FMN2: variants seen among roughly 807,000 people sequenced by gnomAD.
FMN2 encodes formin 2.
In FMN2, 51 loss-of-function variants were observed where a neutral mutation model predicts 142.3. The observed-to-expected ratio is 0.36, with a 90% confidence interval of 0.29 to 0.45. FMN2 has a LOEUF of 0.45. Ranked by LOEUF, FMN2 falls within the 20% of genes least tolerant of loss-of-function variation. The pLI, the probability that FMN2 is intolerant of heterozygous loss-of-function variation, is 1.00. For synonymous variants in FMN2, 882 were observed against 869.8 expected (o/e 1.01, Z -0.25); for missense variants, 1,936 against 2,122.8 (o/e 0.91, Z 1.73).
intron 4 of FMN2, among the ~76,000 whole-genome samples, chr1:240,206,413 T>C (rs1417687750): frequency 1.3e-5 from 2 of 152,166 alleles, no homozygotes; most frequent in African/African-American, 4.8e-5. Context: ...GTGACTACCT[T>C]TAAAATTCGG....
chr1:240,179,133 AG>A (rs1665047076), intron 3 of FMN2, among the ~76,000 whole-genome samples: 1 of 152,178 alleles, frequency 6.6e-6, no homozygotes, highest in Admixed American at 6.5e-5. Context: ...TGAGAATTAT[AG>A]GCATTTATAT....
chr1:240,281,674 T>TCTC (rs1269724182), intron 7 of FMN2, among the ~76,000 whole-genome samples: 1 of 152,212 alleles, frequency 6.6e-6, no homozygotes, highest in Non-Finnish European at 1.5e-5. Context: ...TAATAAATGG[T>TCTC]CTCCTTTCAA....
At chr1:240,130,117 G>A (rs1662676152) in intron 2 of FMN2, among the ~76,000 whole-genome samples, 1 of 151,980 alleles carries the variant, frequency 6.6e-6, no homozygotes, top group African/African-American at 2.4e-5. Flanking sequence ...TATGTTTAGG[G>A]CATACTTTTA....
chr1:240,137,393 G>A (rs1006384077), intron 2 of FMN2, among the ~76,000 whole-genome samples: 1 of 152,172 alleles, frequency 6.6e-6, no homozygotes, highest in Non-Finnish European at 1.5e-5. Context: ...AGCAGCCACG[G>A]ACAATACGCC....
intron 4 of FMN2, among the ~76,000 whole-genome samples, chr1:240,205,465 T>TC (rs1483264363): frequency 7.2e-6 from 1 of 139,028 alleles, no homozygotes; most frequent in Non-Finnish European, 1.5e-5. Flanking sequence ...CCTTTTTTTT[T>TC]TTTTTTTTTT....
chr1:240,451,177 A>G (rs1252702924), intron 16 of FMN2, among the ~76,000 whole-genome samples: 7 of 152,086 alleles, frequency 4.6e-5, no homozygotes, highest in African/African-American at 1.4e-4. Context: ...ACCAGCCTCG[A>G]CAAGATGGCG....
intron 8 of FMN2, among the ~76,000 whole-genome samples, chr1:240,308,167 AATCTAAGAGACCAT>A (rs1670477617): frequency 6.6e-6 from 1 of 152,172 alleles, no homozygotes. Context: ...GCCATGTGTA[AATCTAAGAGACCAT>A]ATCATGCCTG....
chr1:240,398,068 T>A (rs553213776), intron 15 of FMN2, among the ~76,000 whole-genome samples: 1 of 151,670 alleles, frequency 6.6e-6, no homozygotes, highest in South Asian at 2.1e-4. Context: ...CCATCTCAGC[T>A]CACTGCAACC....
At chr1:240,428,320 C>T (rs1481578111) in intron 15 of FMN2, among the ~76,000 whole-genome samples, 3 of 151,944 alleles carry the variant, frequency 2.0e-5, no homozygotes, top group South Asian at 2.1e-4. Context: ...CAACCTTAAC[C>T]CCCTGGGCTC....
intron 16 of FMN2, among the ~76,000 whole-genome samples, chr1:240,464,544 T>C (rs1311079896): frequency 1.3e-5 from 2 of 152,200 alleles, no homozygotes; most frequent in Non-Finnish European, 2.9e-5. Flanking sequence ...AACATAAGTA[T>C]AGATACTTAT....
At chr1:240,129,956 G>T (rs1354662248) in intron 2 of FMN2, among the ~76,000 whole-genome samples, 1 of 151,910 alleles carries the variant, frequency 6.6e-6, no homozygotes, top group Admixed American at 6.6e-5. Context: ...TAAATAATAT[G>T]CTTATGATTT....
intron 6 of FMN2, among the ~76,000 whole-genome samples, chr1:240,227,286 A>T (rs575246847): frequency 2.2e-4 from 34 of 152,318 alleles, no homozygotes; most frequent in African/African-American, 7.9e-4. Flanking sequence ...TTGTTGAAAG[A>T]AGTTAAGGAG....
intron 7 of FMN2, among the ~76,000 whole-genome samples, chr1:240,277,399 A>G (rs935839464): frequency 6.8e-6 from 1 of 147,068 alleles, no homozygotes; most frequent in Non-Finnish European, 1.5e-5. Context: ...TAGGACTGCC[A>G]TGTTTGAATA....
intron 14 of FMN2, among the ~76,000 whole-genome samples, chr1:240,379,557 C>T (rs981833567): frequency 2.6e-5 from 4 of 152,076 alleles, no homozygotes; most frequent in African/African-American, 9.7e-5. Context: ...TATTTGGGGT[C>T]TCCTTTCTAG....
At chr1:240,102,986 TC>T (rs1661465764) in intron 1 of FMN2, among the ~76,000 whole-genome samples, 1 of 151,702 alleles carries the variant, frequency 6.6e-6, no homozygotes, top group Non-Finnish European at 1.5e-5. Context: ...CACCTCAGCC[TC>T]CCGAGTAGCT....
intron 7 of FMN2, among the ~76,000 whole-genome samples, chr1:240,271,077 C>T (rs964919793): frequency 9.2e-5 from 12 of 130,686 alleles, no homozygotes; most frequent in Non-Finnish European, 1.8e-4. Context: ...CCTTTGACCC[C>T]CCTAGGAACT....
intron 2 of FMN2, among the ~76,000 whole-genome samples, chr1:240,162,081 G>C (rs1003119670): frequency 6.6e-6 from 1 of 151,482 alleles, no homozygotes; most frequent in African/African-American, 2.4e-5. Flanking sequence ...GCAGTGAACT[G>C]TGATTGTACT....
chr1:240,329,089 A>G lies in FMN2; in HGVS notation c.4229A>G (p.Asp1410Gly). 1.2e-6 allele frequency: 2 copies of G among 1,614,140 alleles called. No homozygotes were observed. The highest frequency in any genetic ancestry group is 1.7e-6 in the Non-Finnish European group (2 of 1,180,002). ...QALYENRAQS[D>G]ELEKIEKHGR... is the part of the protein sequence containing the mutation. ...TTGTTTTTCTAGAGAGCACAGTCAG[A>G]CGAACTCGAAAAAATAGAAAAGCAT... Residue 1410 changes from aspartate (D) to glycine (G), a missense_variant, in exon 9 of 18, where the codon GAC (aspartate) becomes GGC (glycine). This residue lies in a region of FMN2 where 322 missense variants were observed against 401.6 expected (regional missense o/e 0.80). Transcript: ENST00000319653.
intron 15 of FMN2, among the ~76,000 whole-genome samples, chr1:240,396,308 G>T (rs1199235635): frequency 2.5e-5 from 2 of 80,694 alleles, no homozygotes; most frequent in African/African-American, 9.2e-5. Context: ...GTTTTCGTGT[G>T]TGTGTGTGTG....
Sources: allele counts gnomAD v4.1 joint callset (sites outside exome capture counted in the v4.1 genomes callset), GRCh38; gene constraint gnomAD v4.1.1; regional missense constraint gnomAD v4.1.1; transcripts MANE v1.5; gene names NCBI Gene and HGNC (gene_info 2026-07-23, HGNC 2026-07-21).